SGCD: variants seen among roughly 807,000 people sequenced by gnomAD.
SGCD encodes the protein sarcoglycan delta, also known as delta-sarcoglycan.
A neutral mutation model predicts 36.6 loss-of-function variants in SGCD; 18 were observed. The ratio of observed to expected loss-of-function variants is 0.49; its 90% confidence interval spans 0.34 to 0.73. SGCD has a LOEUF of 0.73. Among genes scored for constraint, SGCD ranks in the 30% least tolerant of loss-of-function variants. SGCD has a pLI of 0.01. For synonymous variants in SGCD, 133 were observed against 130.6 expected (o/e 1.02, Z -0.12); for missense variants, 387 against 346.7 (o/e 1.12, Z -0.92).
intron 1 of SGCD, among the ~76,000 whole-genome samples, chr5:155,886,043 C>T (rs1755990055): frequency 6.6e-6 from 1 of 152,184 alleles, no homozygotes; most frequent in Admixed American, 6.5e-5. Context: ...AAAATGCTTA[C>T]TTCTGCCTTA....
chr5:156,268,366 G>A (rs1407803402), intron 3 of SGCD, among the ~76,000 whole-genome samples: 1 of 152,058 alleles, frequency 6.6e-6, no homozygotes, highest in Non-Finnish European at 1.5e-5. Context: ...TGATAGTTCT[G>A]TTTTTAGCTG....
At chr5:156,251,265 G>T (rs546100580) in intron 3 of SGCD, among the ~76,000 whole-genome samples, 5 of 151,966 alleles carry the variant, frequency 3.3e-5, no homozygotes, top group Admixed American at 6.6e-5. Context: ...AAACATTTTG[G>T]TTGCAAAATA....
In SGCD at chr5:156,139,304, A is replaced by G. The variant is rs74397884; in HGVS notation, c.-44+15285A>G. On this transcript the variant is annotated intron_variant, in intron 3 of 9. Coordinates refer to the SGCD transcript ENST00000517913. ...TTTCTGCTGGAAATATTATATCTCT[A>G]GCTTTATATTTAGGGTAGCAGTCTA... is the stretch of plus-strand genomic sequence containing the variant. Among the ~76,000 whole-genome samples, 158 of 152,220 alleles carry G rather than the reference A, an allele frequency of 1.0e-3. 3 individuals carry two copies. In the East Asian group the frequency reaches 0.02, roughly 19 times the overall value.
At chr5:155,946,634 A>C (rs1757442932) in intron 1 of SGCD, among the ~76,000 whole-genome samples, 1 of 152,218 alleles carries the variant, frequency 6.6e-6, no homozygotes, top group South Asian at 2.1e-4. Context: ...GTAAGTTTTC[A>C]TGCCAAAAAC....
intron 3 of SGCD, among the ~76,000 whole-genome samples, chr5:156,274,508 G>C (rs987694754): frequency 1.3e-5 from 2 of 152,016 alleles, no homozygotes; most frequent in African/African-American, 4.8e-5. Context: ...TTTTGCACTT[G>C]GTTCAAACTT....
At chr5:156,641,560 A>G (rs73301129) in intron 6 of SGCD, among the ~76,000 whole-genome samples, 4,091 of 152,310 alleles carry the variant, frequency 0.027, 191 homozygotes, top group African/African-American at 0.093. Context: ...AGAAAAATAT[A>G]GTTGGATTCA....
chr5:156,683,947 C>A (rs1047365898), intron 7 of SGCD, among the ~76,000 whole-genome samples: 2 of 152,076 alleles, frequency 1.3e-5, no homozygotes, highest in South Asian at 4.1e-4. Context: ...AAAGTTGAGA[C>A]CAAACTACAA....
At chr5:155,793,041 G>T in the SGCD span, among the ~76,000 whole-genome samples, 1 of 152,102 alleles carries the variant, frequency 6.6e-6, no homozygotes, top group African/African-American at 2.4e-5. Flanking sequence ...AGAAAATGTG[G>T]TACACATACA....
chr5:156,457,930 C>A (rs191023285), intron 3 of SGCD, among the ~76,000 whole-genome samples: 1 of 152,100 alleles, frequency 6.6e-6, no homozygotes, highest in Non-Finnish European at 1.5e-5. Context: ...TGACTTTGGG[C>A]GGTTTAGGAC....
In SGCD at chr5:156,025,873, T is replaced by C. The variant is rs114077737; in HGVS notation, c.-281-92005T>C. ...AAGAATTGCCATCTGGTGGTAGTTT[T>C]GTTCATGCTGTTTAAACATTCCATT... On this transcript the variant is annotated intron_variant, in intron 1 of 9. Transcript: ENST00000517913. 2.3e-3 allele frequency among the ~76,000 whole-genome samples: 348 copies of C among 152,374 alleles called. 2 individuals carry two copies. Among genetic ancestry groups the C allele is most frequent in the South Asian group, 7.0e-3 (34 of 4,830 alleles).
intron 3 of SGCD, among the ~76,000 whole-genome samples, chr5:156,124,233 T>G (rs2127603650): frequency 6.6e-6 from 1 of 152,294 alleles, no homozygotes; most frequent in Middle Eastern, 3.4e-3. Flanking sequence ...GAAGGAAGCC[T>G]GCATTGTCTA....
chr5:156,739,253 C>T (rs1469267062), intron 7 of SGCD, among the ~76,000 whole-genome samples: 1 of 152,076 alleles, frequency 6.6e-6, no homozygotes, highest in Non-Finnish European at 1.5e-5. Context: ...GCTCATTTGG[C>T]CCTAGACCTT....
chr5:156,682,648 G>C (rs540109993), intron 7 of SGCD, among the ~76,000 whole-genome samples: 2 of 152,342 alleles, frequency 1.3e-5, no homozygotes, highest in Admixed American at 1.3e-4. Context: ...TAAGTAGAAA[G>C]CTGATTGGAA....
intron 4 of SGCD, among the ~76,000 whole-genome samples, chr5:156,518,935 T>G (rs1321017560): frequency 2.6e-5 from 4 of 151,748 alleles, no homozygotes; most frequent in Non-Finnish European, 5.9e-5. Flanking sequence ...ACATCACAAC[T>G]AAAAGAACTA....
intron 1 of SGCD, among the ~76,000 whole-genome samples, chr5:155,876,743 G>A (rs191755589): frequency 1.7e-4 from 26 of 152,156 alleles, no homozygotes; most frequent in Non-Finnish European, 3.7e-4. Context: ...TTCGTTACTT[G>A]ATTGTTAGCC....
chr5:155,976,674 G>A (rs1027401148), intron 1 of SGCD, among the ~76,000 whole-genome samples: 6 of 152,088 alleles, frequency 3.9e-5, no homozygotes, highest in African/African-American at 1.2e-4. Flanking sequence ...ACTTAGTTCC[G>A]TTTGTTCCTC....
chr5:156,378,752 C>G (rs1485375692), intron 3 of SGCD, among the ~76,000 whole-genome samples: 9 of 152,048 alleles, frequency 5.9e-5, no homozygotes, highest in African/African-American at 2.2e-4. Context: ...TTTATTTTCT[C>G]TTGTCACATG....
At chr5:156,033,382 C>A (rs932561073) in intron 1 of SGCD, among the ~76,000 whole-genome samples, 1 of 152,156 alleles carries the variant, frequency 6.6e-6, no homozygotes, top group African/African-American at 2.4e-5. Flanking sequence ...AACCCTCACC[C>A]TCCTCCCACC....
At chr5:156,305,039 A>G (rs1053285232) in intron 3 of SGCD, among the ~76,000 whole-genome samples, 3 of 151,566 alleles carry the variant, frequency 2.0e-5, no homozygotes, top group African/African-American at 7.3e-5. Context: ...GAAGTAGATC[A>G]TAAAATTTCA....
Sources: allele counts gnomAD v4.1 joint callset (sites outside exome capture counted in the v4.1 genomes callset), GRCh38; gene constraint gnomAD v4.1.1; transcripts MANE v1.5; gene names NCBI Gene and HGNC (gene_info 2026-07-23, HGNC 2026-07-21).